Variants in CSMD1 observed in about 807,000 individuals in gnomAD.
The protein encoded by CSMD1 is CUB and sushi domain-containing protein 1.
In CSMD1, 213 loss-of-function variants were observed where a neutral mutation model predicts 417.5. The ratio of observed to expected loss-of-function variants is 0.51; its 90% CI spans 0.46 to 0.57. CSMD1 has a LOEUF of 0.57. CSMD1 is among the 20% of genes least tolerant of loss of function. CSMD1 has a pLI of 0.00. For synonymous variants in CSMD1, 2,862 were observed against 1,736.8 expected (o/e 1.65, Z -16.11); for missense variants, 6,923 against 4,529.7 (o/e 1.53, Z -15.17).
At chr8:4,781,537 G>C (rs993190408) in intron 1 of CSMD1, among the ~76,000 whole-genome samples, 4 of 152,146 alleles carry the variant, frequency 2.6e-5, no homozygotes, top group African/African-American at 9.7e-5. Context: ...AAAATCATAA[G>C]GCCAATAGGA....
intron 33 of CSMD1, among the ~76,000 whole-genome samples, chr8:3,199,031 C>G (rs972743637): frequency 3.9e-5 from 6 of 152,186 alleles, no homozygotes; most frequent in Non-Finnish European, 7.3e-5. Context: ...TTAATCCAAG[C>G]TTCTGAAAGT....
chr8:4,408,456 G>A (rs1406381762), intron 3 of CSMD1, among the ~76,000 whole-genome samples: 2 of 152,158 alleles, frequency 1.3e-5, no homozygotes, highest in Non-Finnish European at 2.9e-5. Flanking sequence ...ACAAATAACT[G>A]CATGAATTAT....
intron 1 of CSMD1, chr8:4,787,919 T>G (rs1488181952): frequency 1.9e-6 from 3 of 1,591,260 alleles, no homozygotes; most frequent in East Asian, 2.2e-5. Context: ...ACAAAGAAAT[T>G]GTTCTTGCTG....
intron 3 of CSMD1, among the ~76,000 whole-genome samples, chr8:4,328,822 G>C (rs1023586768): frequency 1.3e-5 from 2 of 152,174 alleles, no homozygotes; most frequent in Non-Finnish European, 2.9e-5. Flanking sequence ...TAACACTGTG[G>C]TTTTAGAAGC....
chr8:3,094,507 G>C (rs979217978), intron 47 of CSMD1, among the ~76,000 whole-genome samples: 1 of 152,128 alleles, frequency 6.6e-6, no homozygotes, highest in Non-Finnish European at 1.5e-5. Flanking sequence ...GTCTTTAAAA[G>C]CACATATTCA....
intron 7 of CSMD1, among the ~76,000 whole-genome samples, chr8:3,668,656 G>T (rs1209790427): frequency 6.6e-6 from 1 of 152,014 alleles, no homozygotes; most frequent in Non-Finnish European, 1.5e-5. Context: ...CAATATAGAA[G>T]CTCAGTCTGA....
intron 55 of CSMD1, among the ~76,000 whole-genome samples, chr8:2,977,391 G>A (rs1805018135): frequency 6.6e-6 from 1 of 152,174 alleles, no homozygotes; most frequent in African/African-American, 2.4e-5. Flanking sequence ...AGAGGATAAT[G>A]GCTTCCAAGC....
intron 3 of CSMD1, among the ~76,000 whole-genome samples, chr8:4,216,301 T>C (rs1800664134): frequency 6.6e-6 from 1 of 152,140 alleles, no homozygotes; most frequent in Non-Finnish European, 1.5e-5. Context: ...GCCTAGTCAA[T>C]TCTATCTGTC....
rs148066686 is a variant in CSMD1, at chr8:4,445,985, G to C, written c.303-25920C>G. ...AGACGAAAGGATAGCAACAATGTCA[G>C]TGCCTCTTCCCTGGCAGCACCCTGA... is the stretch of plus-strand genomic sequence containing the variant. On this transcript the variant is annotated intron_variant, in intron 2 of 69. Coordinates refer to ENST00000635120, the MANE Select transcript of CSMD1 (RefSeq NM_033225.6). 5.3e-3 allele frequency among the ~76,000 whole-genome samples: 813 copies of C among 152,240 alleles called. 5 individuals are homozygous for C. Among genetic ancestry groups the C allele is most frequent in the African/African-American group, 0.018 (766 of 41,548 alleles).
chr8:3,595,002 G>T (rs1248445346), intron 8 of CSMD1, among the ~76,000 whole-genome samples: 1 of 152,126 alleles, frequency 6.6e-6, no homozygotes, highest in African/African-American at 2.4e-5. Context: ...AACACAACCC[G>T]GCCTCTGTGT....
At chr8:3,337,939 C>A (rs186080948) in intron 23 of CSMD1, among the ~76,000 whole-genome samples, 1 of 152,162 alleles carries the variant, frequency 6.6e-6, no homozygotes, top group Non-Finnish European at 1.5e-5. Context: ...AAGGGAAGCT[C>A]GGCTAGGTTT....
intron 21 of CSMD1, among the ~76,000 whole-genome samples, chr8:3,352,011 T>C (rs1411941843): frequency 6.6e-6 from 1 of 152,122 alleles, no homozygotes; most frequent in Non-Finnish European, 1.5e-5. Context: ...TTTTTCGGAT[T>C]TTATGTGGAA....
At chr8:4,704,715 A>G (rs1807807858) in intron 1 of CSMD1, among the ~76,000 whole-genome samples, 1 of 152,186 alleles carries the variant, frequency 6.6e-6, no homozygotes, top group Non-Finnish European at 1.5e-5. Context: ...GTGCTTGCTT[A>G]ATGGAATGCC....
intron 26 of CSMD1, among the ~76,000 whole-genome samples, chr8:3,277,941 G>A (rs553924684): frequency 6.6e-6 from 1 of 152,188 alleles, no homozygotes; most frequent in Non-Finnish European, 1.5e-5. Flanking sequence ...GAAAAGCTGA[G>A]TAAAAGAAAA....
intron 4 of CSMD1, among the ~76,000 whole-genome samples, chr8:4,025,642 G>A (rs1202194893): frequency 6.6e-6 from 1 of 152,086 alleles, no homozygotes. Flanking sequence ...AATGAATAAG[G>A]TGAATTAAGA....
intron 3 of CSMD1, among the ~76,000 whole-genome samples, chr8:4,256,478 G>T (rs145960788): frequency 6.6e-6 from 1 of 152,158 alleles, no homozygotes; most frequent in Non-Finnish European, 1.5e-5. Context: ...CCGAGTACTG[G>T]TAAAGGGAGG....
chr8:3,519,280 C>T (rs535692799), intron 10 of CSMD1, among the ~76,000 whole-genome samples: 1 of 152,144 alleles, frequency 6.6e-6, no homozygotes, highest in South Asian at 2.1e-4. Flanking sequence ...TCTGAAAATA[C>T]CTGAGTCTTC....
At chr8:3,866,867 G>C (rs1462271861) in intron 5 of CSMD1, among the ~76,000 whole-genome samples, 2 of 152,158 alleles carry the variant, frequency 1.3e-5, no homozygotes, top group African/African-American at 4.8e-5. Flanking sequence ...TAGGACTCCA[G>C]TTCTGCTGCA....
In CSMD1 at chr8:4,204,553, C is replaced by A. The variant is rs571651734; in HGVS notation, c.416-172454G>T. On this transcript the variant is annotated intron_variant, in intron 3 of 69. Transcript: ENST00000635120. ...TTTCAAAGTGTAGAAGAAATTATGA[C>A]ACCTTTTCTATACTGAGAGGAAGAT... 2.0e-5 allele frequency among the ~76,000 whole-genome samples: 3 copies of A among 152,284 alleles called. No homozygotes were observed. In the East Asian group the frequency reaches 5.8e-4, roughly 29 times the overall value.
Sources: allele counts gnomAD v4.1 joint callset (sites outside exome capture counted in the v4.1 genomes callset), GRCh38; gene constraint gnomAD v4.1.1; transcripts MANE v1.5; gene names NCBI Gene and HGNC (gene_info 2026-07-23, HGNC 2026-07-21).